KCNIP1: variants seen among roughly 807,000 people sequenced by gnomAD.
KCNIP1 encodes the protein potassium voltage-gated channel interacting protein 1.
In KCNIP1, 18 loss-of-function variants were observed where a neutral mutation model predicts 33.0. The ratio of observed to expected loss-of-function variants is 0.55; its 90% CI spans 0.38 to 0.81. The LOEUF (loss-of-function observed/expected upper bound fraction) is 0.81, where lower values mean the gene tolerates loss of function less well. Ranked by LOEUF, KCNIP1 falls within the 30% of genes least tolerant of loss-of-function variation. The pLI is 0.00. For synonymous variants in KCNIP1, 93 were observed against 98.3 expected, an observed-to-expected ratio of 0.95 and a Z score of 0.32; for missense variants, 238 against 271.6, an observed-to-expected ratio of 0.88 and a Z score of 0.87.
chr5:170,354,864 C>A (rs920144678), intron 1 of KCNIP1, among the ~76,000 whole-genome samples: 1 of 152,186 alleles, frequency 6.6e-6, no homozygotes, highest in African/African-American at 2.4e-5. Context: ...GAAAAAACGT[C>A]TTTAAATATT....
In KCNIP1 at chr5:170,486,639, G is replaced by A. The variant is rs561355133; in HGVS notation, c.88+132675G>A. Among the ~76,000 whole-genome samples, 8 of 152,302 alleles carry A rather than the reference G, an allele frequency of 5.3e-5. No homozygotes were observed. In the South Asian group the frequency reaches 1.7e-3, roughly 32 times the overall value. On this transcript the variant is annotated intron_variant, in intron 1 of 7. Transcript: ENST00000377360. ...GGATTTGGTTCTTAAGCATTTTCTGGGTGTGTGAGCCCCATACCCTTCTCA... is the reference window on the plus strand; with the variant it reads ...GGATTTGGTTCTTAAGCATTTTCTGAGTGTGTGAGCCCCATACCCTTCTCA...
chr5:170,699,005 CTG>C (rs1762997808), intron 1 of KCNIP1, among the ~76,000 whole-genome samples: 2 of 152,194 alleles, frequency 1.3e-5, no homozygotes, highest in African/African-American at 4.8e-5. Flanking sequence ...CAAGACAGCC[CTG>C]GCCTCTGGGC....
At chr5:170,513,006 C>T (rs1754995577) in intron 1 of KCNIP1, among the ~76,000 whole-genome samples, 3 of 151,372 alleles carry the variant, frequency 2.0e-5, no homozygotes, top group Admixed American at 1.3e-4. Flanking sequence ...GCCGAGATCG[C>T]GCCACTGCAC....
intron 1 of KCNIP1, among the ~76,000 whole-genome samples, chr5:170,413,148 G>A (rs1755241329): frequency 6.6e-6 from 1 of 152,172 alleles, no homozygotes; most frequent in South Asian, 2.1e-4. Flanking sequence ...GGCCTACACA[G>A]GACATTAGCT....
At chr5:170,652,822 G>T (rs1053102226) in intron 1 of KCNIP1, among the ~76,000 whole-genome samples, 1 of 152,204 alleles carries the variant, frequency 6.6e-6, no homozygotes, top group Non-Finnish European at 1.5e-5. Context: ...AAACATCCCT[G>T]TAGAAAGATA....
chr5:170,566,919 A>T (rs1015729041), intron 1 of KCNIP1, among the ~76,000 whole-genome samples: 2 of 152,238 alleles, frequency 1.3e-5, no homozygotes, highest in African/African-American at 2.4e-5. Context: ...ACGAACAGAA[A>T]GTCTGTGGCC....
chr5:170,390,992 C>T (rs942536802), intron 1 of KCNIP1, among the ~76,000 whole-genome samples: 3 of 152,148 alleles, frequency 2.0e-5, no homozygotes, highest in Non-Finnish European at 4.4e-5. Context: ...CCTTCTCCAC[C>T]CCTTTCCTAA....
At chr5:170,430,389 T>C (rs1755714473) in intron 1 of KCNIP1, among the ~76,000 whole-genome samples, 1 of 152,212 alleles carries the variant, frequency 6.6e-6, no homozygotes. Flanking sequence ...CTGACACTTC[T>C]ATGTTTTGTT....
intron 1 of KCNIP1, among the ~76,000 whole-genome samples, chr5:170,615,040 C>A (rs1326692384): frequency 1.3e-5 from 2 of 152,122 alleles, no homozygotes; most frequent in Admixed American, 6.6e-5. Context: ...AATGGCGAAA[C>A]CCCATCTTTA....
chr5:170,650,259 A>G (rs967163925), intron 1 of KCNIP1, among the ~76,000 whole-genome samples: 37 of 152,294 alleles, frequency 2.4e-4, no homozygotes, highest in African/African-American at 8.7e-4. Context: ...AATCACCACA[A>G]TCAAGATATG....
intron 1 of KCNIP1, among the ~76,000 whole-genome samples, chr5:170,693,247 C>T (rs1762781691): frequency 3.7e-5 from 1 of 26,802 alleles, no homozygotes; most frequent in Admixed American, 4.8e-4. Flanking sequence ...CGGGCCAGCC[C>T]CCATCCCCCC....
intron 1 of KCNIP1, among the ~76,000 whole-genome samples, chr5:170,598,889 CTGTGTGTGTGTGCGCG>C (rs1368504400): frequency 1.4e-5 from 2 of 141,732 alleles, no homozygotes; most frequent in African/African-American, 2.7e-5. Flanking sequence ...CATAGCCCCG[CTGTGTGTGTGTGCGCG>C]TGTGTGTGTG....
chr5:170,397,576 T>G (rs772707843), intron 1 of KCNIP1, among the ~76,000 whole-genome samples: 3 of 152,228 alleles, frequency 2.0e-5, no homozygotes, highest in Admixed American at 1.3e-4. Flanking sequence ...AGTCAAATTT[T>G]ATGTGGCTAA....
At chr5:170,513,029 G>C (rs1396977831) in intron 1 of KCNIP1, among the ~76,000 whole-genome samples, 2 of 150,748 alleles carry the variant, frequency 1.3e-5, no homozygotes, top group African/African-American at 4.9e-5. Flanking sequence ...CAGCCTGGGC[G>C]ACAGAGCGAG....
At chr5:170,574,771 A>G (rs1246283772) in intron 1 of KCNIP1, among the ~76,000 whole-genome samples, 1 of 152,140 alleles carries the variant, frequency 6.6e-6, no homozygotes, top group Non-Finnish European at 1.5e-5. Flanking sequence ...GGGCACACTC[A>G]CACACACCTA....
chr5:170,481,532 A>G (rs1484603459), intron 1 of KCNIP1, among the ~76,000 whole-genome samples: 1 of 152,208 alleles, frequency 6.6e-6, no homozygotes, highest in Non-Finnish European at 1.5e-5. Context: ...AAAATGTCAA[A>G]CACATTTTTC....
At chr5:170,561,202 G>A (rs1049123996) in intron 1 of KCNIP1, 2 of 442,052 alleles carry the variant, frequency 4.5e-6, no homozygotes, top group Admixed American at 2.4e-5. Context: ...GTGGCGCACT[G>A]ACATTTAAAT....
At chr5:170,400,866 A>G (rs113533933) in intron 1 of KCNIP1, among the ~76,000 whole-genome samples, 8 of 152,388 alleles carry the variant, frequency 5.2e-5, no homozygotes, top group African/African-American at 1.9e-4. Flanking sequence ...AATAGCCACT[A>G]GCTACCTATG....
chr5:170,729,338 G>A (rs1355603175), intron 5 of KCNIP1, among the ~76,000 whole-genome samples: 1 of 151,970 alleles, frequency 6.6e-6, no homozygotes, highest in African/African-American at 2.4e-5. Context: ...TTAAAAATCT[G>A]CAATTTATGA....
Sources: allele counts gnomAD v4.1 joint callset (sites outside exome capture counted in the v4.1 genomes callset), GRCh38; gene constraint gnomAD v4.1.1; transcripts MANE v1.5; gene names NCBI Gene and HGNC (gene_info 2026-07-23, HGNC 2026-07-21).